FKBP5: variants seen among roughly 807,000 people sequenced by gnomAD.
FKBP5 encodes peptidyl-prolyl cis-trans isomerase FKBP5.
FKBP5 carries 23 observed loss-of-function variants against 50.5 expected under a neutral mutation model. The ratio of observed to expected loss-of-function variants is 0.46; its 90% confidence interval spans 0.33 to 0.65. The LOEUF (loss-of-function observed/expected upper bound fraction) is 0.65, where lower values mean the gene tolerates loss of function less well. FKBP5 is among the 30% of genes least tolerant of loss of function. FKBP5 has a pLI of 0.02. For missense variants in FKBP5, 411 were observed against 553.1 expected (o/e 0.74, Z 2.58); for synonymous variants, 176 against 190.6 (o/e 0.92, Z 0.63).
intron 2 of FKBP5, among the ~76,000 whole-genome samples, chr6:35,707,389 T>A (rs2151020734): frequency 6.6e-6 from 1 of 151,624 alleles, no homozygotes; most frequent in East Asian, 1.9e-4. Context: ...GCTAATTTTT[T>A]TTTTTTGTAT....
intron 2 of FKBP5, among the ~76,000 whole-genome samples, chr6:35,707,167 A>T (rs1302387332): frequency 6.6e-6 from 1 of 151,112 alleles, no homozygotes; most frequent in African/African-American, 2.4e-5. Flanking sequence ...TTATTACCAG[A>T]TACTTGAACT....
At chr6:35,631,932 G>A (rs368054051) in intron 3 of FKBP5, among the ~76,000 whole-genome samples, 7 of 145,476 alleles carry the variant, frequency 4.8e-5, no homozygotes, top group African/African-American at 1.3e-4. Context: ...TCCAGCCTGG[G>A]CGACACAGCA....
At chr6:35,717,242 C>T (rs1224421577) in intron 2 of FKBP5, among the ~76,000 whole-genome samples, 1 of 152,226 alleles carries the variant, frequency 6.6e-6, no homozygotes, top group Admixed American at 6.5e-5. Flanking sequence ...GCCCACATTT[C>T]CCCTACAGTG....
intron 5 of FKBP5, 41 bp downstream of exon 5, chr6:35,619,055 C>G (rs1027895408): frequency 1.4e-6 from 2 of 1,384,780 alleles, no homozygotes; most frequent in African/African-American, 2.9e-5. Context: ...CATAAATGGC[C>G]CAACTTTTAA....
At chr6:35,624,287 C>T (rs1763929682) in intron 3 of FKBP5, among the ~76,000 whole-genome samples, 1 of 152,142 alleles carries the variant, frequency 6.6e-6, no homozygotes, top group Non-Finnish European at 1.5e-5. Context: ...AAAATATCAA[C>T]ATGAGACAAG....
At chr6:35,694,779 G>A (rs1159722221) in intron 2 of FKBP5, among the ~76,000 whole-genome samples, 1 of 151,980 alleles carries the variant, frequency 6.6e-6, no homozygotes, top group East Asian at 1.9e-4. Context: ...CTAAGATTGG[G>A]GTTTTTTTAG....
chr6:35,648,597 C>A (rs918960755), intron 1 of FKBP5, among the ~76,000 whole-genome samples: 1 of 152,050 alleles, frequency 6.6e-6, no homozygotes, highest in African/African-American at 2.4e-5. Context: ...ATTTTTACAA[C>A]ACCATTTGGT....
intron 1 of FKBP5, among the ~76,000 whole-genome samples, chr6:35,685,907 G>A (rs960066062): frequency 6.6e-6 from 1 of 151,250 alleles, no homozygotes; most frequent in African/African-American, 2.4e-5. Context: ...GCTTGAACCC[G>A]GGAGGCAGAG....
chr6:35,702,645 G>A (rs1037046388), intron 2 of FKBP5, among the ~76,000 whole-genome samples: 1 of 151,806 alleles, frequency 6.6e-6, no homozygotes, highest in Non-Finnish European at 1.5e-5. Context: ...CTAGAGATGA[G>A]GTTTCACCGT....
chr6:35,709,824 C>T (rs749601883), intron 2 of FKBP5, among the ~76,000 whole-genome samples: 3 of 151,750 alleles, frequency 2.0e-5, no homozygotes. Flanking sequence ...ACTTGCAAGT[C>T]CATTCAGCAA....
chr6:35,701,252 T>G (rs12195419), intron 2 of FKBP5, among the ~76,000 whole-genome samples: 1 of 150,080 alleles, frequency 6.7e-6, no homozygotes, highest in Non-Finnish European at 1.5e-5. Context: ...TTTTTTGTTT[T>G]TTTTTTTTTG....
chr6:35,579,420 A>C (rs1762351142), intron 9 of FKBP5, among the ~76,000 whole-genome samples: 1 of 152,210 alleles, frequency 6.6e-6, no homozygotes, highest in Non-Finnish European at 1.5e-5. Flanking sequence ...CCAGATACCT[A>C]AAATAGTATC....
rs188651426 is a variant in FKBP5 at position 35,713,215 on chromosome 6, G to A, written c.-20+7113C>T. Among the ~76,000 whole-genome samples the A allele has an allele frequency of 1.4e-4, 21 of 152,086 alleles. No homozygotes were observed. The East Asian group carries it at 4.1e-3, about 29-fold the overall frequency. On this transcript the variant is annotated intron_variant, in intron 2 of 11. Coordinates refer to the FKBP5 transcript ENST00000536438. ...AGTGACTCCTTGGGGCATGTGGTGA[G>A]TGAGGAGGATGTGGCTCAGGTCAAT...
At chr6:35,624,811 C>T (rs1262729080) in intron 3 of FKBP5, among the ~76,000 whole-genome samples, 6 of 152,164 alleles carry the variant, frequency 3.9e-5, no homozygotes, top group Admixed American at 2.0e-4. Flanking sequence ...CTCCACAGTT[C>T]GCATGGTGTG....
At chr6:35,594,252 C>A (rs902374095) in intron 6 of FKBP5, among the ~76,000 whole-genome samples, 1 of 151,626 alleles carries the variant, frequency 6.6e-6, no homozygotes, top group African/African-American at 2.4e-5. Context: ...TACCCAGGAG[C>A]TTGAGGTGGG....
At chr6:35,715,059 C>A (rs931404125) in intron 2 of FKBP5, among the ~76,000 whole-genome samples, 5 of 152,180 alleles carry the variant, frequency 3.3e-5, no homozygotes, top group African/African-American at 1.2e-4. Context: ...GCCACCACGC[C>A]TGCGTAATTT....
chr6:35,656,030 A>G (rs527996229), intron 1 of FKBP5, among the ~76,000 whole-genome samples: 3 of 152,344 alleles, frequency 2.0e-5, no homozygotes, highest in African/African-American at 7.2e-5. Flanking sequence ...GAGATGTTTC[A>G]GACTTGAGAC....
At chr6:35,619,779 C>T (rs1031874908) in intron 4 of FKBP5, among the ~76,000 whole-genome samples, 10 of 152,212 alleles carry the variant, frequency 6.6e-5, no homozygotes, top group Non-Finnish European at 1.2e-4. Context: ...GTAAATACCC[C>T]GCAACGTGAC....
At chr6:35,586,484 G>A (rs945532189) in intron 8 of FKBP5, 2 of 987,986 alleles carry the variant, frequency 2.0e-6, no homozygotes, top group African/African-American at 3.5e-5. Flanking sequence ...AAAGGAAGAT[G>A]GGCCCGGTGC....
Sources: gnomAD v4.1 joint callset for allele counts (sites outside exome capture counted in the v4.1 genomes callset) on GRCh38, gnomAD v4.1.1 for gene constraint, MANE v1.5 for transcripts, NCBI Gene and HGNC (gene_info 2026-07-23, HGNC 2026-07-21) for gene names.